TRIM54: variants seen among roughly 807,000 people sequenced by gnomAD.
The protein encoded by TRIM54 is tripartite motif containing 54.
TRIM54 carries 40 observed loss-of-function variants against 42.0 expected under a neutral mutation model. The ratio of observed to expected loss-of-function variants is 0.95; its 90% CI spans 0.74 to 1.24. The LOEUF (loss-of-function observed/expected upper bound fraction) is 1.24, where lower values mean the gene tolerates loss of function less well. Ranked by LOEUF, TRIM54 falls within the 50% of genes most tolerant of loss-of-function variation. The probability of loss-of-function intolerance (pLI) is 0.00; values close to 1 mark genes in which losing one functional copy is unlikely to be tolerated. For missense variants in TRIM54, 485 were observed against 480.3 expected (o/e 1.01, Z -0.09); for synonymous variants, 199 against 194.9 (o/e 1.02, Z -0.17).
chr2:27,306,642 C>A lies in TRIM54; in HGVS notation c.*1+100C>A. 8.0e-7 allele frequency: 1 copy of A among 1,246,110 alleles called. No individual in the cohort carries two copies. Among genetic ancestry groups the A allele is most frequent in the Non-Finnish European group, 1.1e-6 (1 of 913,426 alleles). 77.2% of individuals were successfully genotyped at this position (1,246,110 alleles called of 1,614,324 possible). A position where few individuals can be genotyped will look rare whatever the true frequency, so the allele number is the denominator to read the frequency against. ...CGTCCCCTCCCCCAGTGATTGCCCT[C>A]CCTGCGGGTAGCGTGGAGCCCCCAC... is the stretch of plus-strand genomic sequence containing the variant. On this transcript the variant is annotated intron_variant, in intron 8 of 8. Transcript: ENST00000380075. The surrounding 1 kb of genome is among the most constrained non-coding windows in gnomAD (Gnocchi z 6.1).
At chr2:27,300,176 A>G (rs546927556) in intron 3 of TRIM54, among the ~76,000 whole-genome samples, 2 of 151,254 alleles carry the variant, frequency 1.3e-5, no homozygotes, top group African/African-American at 2.4e-5. Flanking sequence ...TTATTTGTTT[A>G]TTTATTTATT....
chr2:27,299,680 C>CTATCTATT, intron 3 of TRIM54: 1 of 594,442 alleles, frequency 1.7e-6, no homozygotes, highest in East Asian at 3.0e-5. Context: ...TCAGCCCTAT[C>CTATCTATT]TATCTATCTA....
intron 1 of TRIM54, among the ~76,000 whole-genome samples, chr2:27,290,981 T>G (rs1368870011): frequency 6.6e-6 from 1 of 152,204 alleles, no homozygotes; most frequent in Admixed American, 6.5e-5. Context: ...GTTAGCAAAT[T>G]TCATTCTTAT....
At chr2:27,303,506 C>T (rs1025057797) in intron 3 of TRIM54, among the ~76,000 whole-genome samples, 2 of 151,386 alleles carry the variant, frequency 1.3e-5, no homozygotes, top group Non-Finnish European at 2.9e-5. Flanking sequence ...GCTGAGATCA[C>T]GTCATTGCAC....
At chr2:27,291,053 T>A (rs1172494224) in intron 1 of TRIM54, among the ~76,000 whole-genome samples, 1 of 152,198 alleles carries the variant, frequency 6.6e-6, no homozygotes, top group African/African-American at 2.4e-5. Context: ...ATAGTTCTAT[T>A]TTAAAACACT....
intron 3 of TRIM54, 110 bp downstream of exon 3, chr2:27,299,526 T>G: frequency 6.5e-7 from 1 of 1,537,180 alleles, no homozygotes; most frequent in Non-Finnish European, 8.7e-7. Context: ...CTTTATTTAT[T>G]TAGAAACAGG....
chr2:27,292,248 T>A (rs755867629), intron 1 of TRIM54, among the ~76,000 whole-genome samples: 1 of 152,176 alleles, frequency 6.6e-6, no homozygotes, highest in Non-Finnish European at 1.5e-5. Flanking sequence ...TTGGCCAAGA[T>A]AGCCCAAGTC....
In TRIM54 at chr2:27,306,394, G is replaced by A; in HGVS notation, c.991+57G>A. 6.2e-7 allele frequency: 1 copy of A among 1,613,390 alleles called. No individual in the cohort carries two copies. The highest frequency in any genetic ancestry group is 1.1e-5 in the South Asian group (1 of 91,034). The stretch of plus-strand genomic sequence containing the variant: ...GGTTCGGACCCTCTGTGTGGGGGGT[G>A]CGGCGGGCACGATGGCCGTAAAGGC... On this transcript the variant is annotated intron_variant, in intron 7 of 8. Coordinates refer to ENST00000380075, the MANE Select transcript of TRIM54 (RefSeq NM_187841.3). This position sits in a 1 kb window ranked among gnomAD's most constrained non-coding sequence, Gnocchi z 6.1.
Position 27,299,310 on chromosome 2 carries a change from T to G in TRIM54, c.407T>G (p.Ile136Ser). Residue 136 changes from isoleucine to serine, a missense_variant, in exon 3 of 9, where the codon ATT (isoleucine) becomes AGT (serine). Coordinates refer to ENST00000380075, the MANE Select transcript of TRIM54 (RefSeq NM_187841.3). The part of the protein sequence containing the change: ...CEEHEEEKIN[I>S]YCLSCEVPTC... ...GAGCATGAAGAAGAGAAGATCAATA[T>G]TTACTGCCTGAGCTGTGAGGTGCCC... The G allele has an allele frequency of 6.2e-7, 1 of 1,614,138 alleles. No homozygotes were observed. Among genetic ancestry groups the G allele is most frequent in the East Asian group, 2.2e-5 (1 of 44,866 alleles).
At chr2:27,290,581 A>T (rs1678694438) in intron 1 of TRIM54, among the ~76,000 whole-genome samples, 2 of 152,148 alleles carry the variant, frequency 1.3e-5, no homozygotes, top group Admixed American at 6.6e-5. Flanking sequence ...AGGAGGTAGA[A>T]GTTGCAGTGA....
At position 27,306,470 on chromosome 2, in the gene TRIM54, G is replaced by C. The variant is rs1679214966; in HGVS notation, c.1006G>C (p.Glu336Gln). Reference sequence around the variant, plus strand: ...CTTGGGCTCAGGCGCTTCCGGGGAGGAAGAGGAGGTGGCCCCAGACGGAGA... The same window carrying C: ...CTTGGGCTCAGGCGCTTCCGGGGAGCAAGAGGAGGTGGCCCCAGACGGAGA... ...IDFQPGASGEEEEVAPDGEEG... is the reference protein window; with the variant it reads ...IDFQPGASGEQEEVAPDGEEG... The change falls in exon 8 of 9, where the codon GAA (glutamate) becomes CAA (glutamine). Residue 336 changes from glutamate to glutamine, a missense_variant. Coordinates refer to ENST00000380075, the MANE Select transcript of TRIM54 (RefSeq NM_187841.3). The surrounding 1 kb of genome is among the most constrained non-coding windows in gnomAD (Gnocchi z 6.1). The C allele has an allele frequency of 1.3e-6, 2 of 1,594,034 alleles. No individual in the cohort carries two copies. The highest frequency in any genetic ancestry group is 1.7e-6 in the Non-Finnish European group (2 of 1,170,072).
chr2:27,301,126 G>A (rs2148201192), intron 3 of TRIM54, among the ~76,000 whole-genome samples: 1 of 150,916 alleles, frequency 6.6e-6, no homozygotes, highest in African/African-American at 2.4e-5. Flanking sequence ...TAGGGCTGCT[G>A]GTTGCCCTCT....
chr2:27,306,033 C>T lies in TRIM54; in HGVS notation c.844-47C>T. The T allele has an allele frequency of 6.2e-7, 1 of 1,611,274 alleles. No homozygotes were observed. The highest frequency in any genetic ancestry group is 1.1e-5 in the South Asian group (1 of 90,680). Reference sequence around the variant, plus strand: ...GTGAGATTCAGAAATGGGACTTTGCCCAGGTTGGCCCAGTGCTTACTCTCA... The same window carrying T: ...GTGAGATTCAGAAATGGGACTTTGCTCAGGTTGGCCCAGTGCTTACTCTCA... On this transcript the variant is annotated intron_variant, in intron 5 of 8. Coordinates refer to ENST00000380075, the MANE Select transcript of TRIM54 (RefSeq NM_187841.3). This position sits in a 1 kb window ranked among gnomAD's most constrained non-coding sequence, Gnocchi z 6.1.
chr2:27,305,958 T>G (rs556952896), intron 5 of TRIM54, 122 bp from the exon 6 acceptor site: 1 of 1,442,030 alleles, frequency 6.9e-7, no homozygotes, highest in African/African-American at 1.4e-5. Context: ...GAGTTCGTTT[T>G]CTGCTTAACG....
chr2:27,297,927 G>C (rs1678907892), intron 1 of TRIM54, among the ~76,000 whole-genome samples: 1 of 146,600 alleles, frequency 6.8e-6, no homozygotes, highest in Non-Finnish European at 1.5e-5. Flanking sequence ...GCTGCGGTGA[G>C]CTGTGATCCC....
rs747931006 is a variant in TRIM54, at chr2:27,306,524, C to A, written c.1060C>A (p.Arg354=). 2 of 1,558,984 alleles carry A rather than the reference C, an allele frequency of 1.3e-6. No individual in the cohort carries two copies. The highest frequency in any genetic ancestry group is 2.4e-5 in the East Asian group (1 of 42,160). Residue 354 remains arginine, a synonymous_variant, in exon 8 of 9, where the codon CGG becomes AGG. Transcript: ENST00000380075. The surrounding 1 kb of genome is among the most constrained non-coding windows in gnomAD (Gnocchi z 6.1). ...EEGSAGPEEE[R]PDGP ...GGGCAGCGCGGGGCCGGAGGAAGAGCGGCCGGATGGGCCTTAAGGTGAGAG... is the reference window on the plus strand; with the variant it reads ...GGGCAGCGCGGGGCCGGAGGAAGAGAGGCCGGATGGGCCTTAAGGTGAGAG...
intron 3 of TRIM54, among the ~76,000 whole-genome samples, chr2:27,302,233 G>C (rs930606231): frequency 6.7e-6 from 1 of 149,570 alleles, no homozygotes; most frequent in Non-Finnish European, 1.5e-5. Context: ...GGTGGATCAC[G>C]AGGTCAGGAG....
chr2:27,294,977 A>C (rs1390542626), intron 1 of TRIM54, among the ~76,000 whole-genome samples: 1 of 152,128 alleles, frequency 6.6e-6, no homozygotes, highest in Non-Finnish European at 1.5e-5. Flanking sequence ...GACTTAGAGC[A>C]AATCCTGGCT....
chr2:27,299,142 G>A, intron 2 of TRIM54, 103 bp from the exon 3 acceptor site: 1 of 1,347,806 alleles, frequency 7.4e-7, no homozygotes, highest in South Asian at 1.3e-5. Flanking sequence ...AGCACTAGCT[G>A]CAGGGGCGGA....
Sources: allele counts gnomAD v4.1 joint callset (sites outside exome capture counted in the v4.1 genomes callset), GRCh38; gene constraint gnomAD v4.1.1; non-coding constraint Gnocchi (gnomAD v3.1); transcripts MANE v1.5; gene names NCBI Gene and HGNC (gene_info 2026-07-23, HGNC 2026-07-21).